The following TACC2 variants were observed in gnomAD, a reference collection of about 807,000 sequenced individuals.
TACC2 encodes transforming acidic coiled-coil containing protein 2, also known as transforming acidic coiled-coil-containing protein 2.
TACC2 carries 137 observed loss-of-function variants against 227.3 expected under a neutral mutation model. The observed-to-expected ratio is 0.60, with a 90% confidence interval of 0.52 to 0.69. TACC2 has a LOEUF of 0.69. Among genes scored for constraint, TACC2 ranks in the 30% least tolerant of loss-of-function variants. The pLI is 0.00. For synonymous variants in TACC2, 1,523 were observed against 1,487.5 expected (o/e 1.02, Z -0.55); for missense variants, 3,470 against 3,694.4 (o/e 0.94, Z 1.57).
chr10:122,227,648 C>T (rs373961389), intron 13 of TACC2, among the ~76,000 whole-genome samples, 189 bp from the exon 14 acceptor site: 3 of 152,312 alleles, frequency 2.0e-5, no homozygotes, highest in African/African-American at 7.2e-5. Context: ...TGTGCTTCTG[C>T]CCCTCCCTTG....
chr10:122,055,831 C>T (rs1034065339), intron 3 of TACC2, among the ~76,000 whole-genome samples: 2 of 152,176 alleles, frequency 1.3e-5, no homozygotes, highest in African/African-American at 4.8e-5. Context: ...TGTGCGTATG[C>T]GGGCAATAGG....
At chr10:122,080,394 A>C (rs1211041035) in intron 3 of TACC2, among the ~76,000 whole-genome samples, 16 of 151,540 alleles carry the variant, frequency 1.1e-4, no homozygotes, top group South Asian at 2.1e-4. Flanking sequence ...CACCATGCCC[A>C]GTTGATTTTC....
At chr10:122,169,790 A>G (rs899989468) in intron 7 of TACC2, among the ~76,000 whole-genome samples, 5 of 152,074 alleles carry the variant, frequency 3.3e-5, no homozygotes, top group African/African-American at 1.2e-4. Flanking sequence ...TCGCTCTGTC[A>G]CCCAGACTGG....
chr10:122,114,379 A>G (rs1179987700), intron 5 of TACC2, among the ~76,000 whole-genome samples: 2 of 152,246 alleles, frequency 1.3e-5, no homozygotes, highest in African/African-American at 4.8e-5. Flanking sequence ...GTGCAGATTA[A>G]CAGTTGAATC....
rs1198723545 is a variant in TACC2, at chr10:122,244,118, C to T, written c.8392+2117C>T. 3.9e-5 allele frequency among the ~76,000 whole-genome samples: 6 copies of T among 152,272 alleles called. No homozygotes were observed. The East Asian group carries it at 1.2e-3, about 29-fold the overall frequency. On this transcript the variant is annotated intron_variant, in intron 19 of 22. Coordinates refer to ENST00000369005, the MANE Select transcript of TACC2 (RefSeq NM_206862.4). ...TTCCCTCCAAGCCCTGGAGAGAATGCCACCTGCCTTCCTCTCATCCTGGTG... is the reference window on the plus strand; with the variant it reads ...TTCCCTCCAAGCCCTGGAGAGAATGTCACCTGCCTTCCTCTCATCCTGGTG...
intron 5 of TACC2, among the ~76,000 whole-genome samples, chr10:122,130,717 C>G (rs1317594957): frequency 6.6e-6 from 1 of 152,206 alleles, no homozygotes; most frequent in East Asian, 1.9e-4. Flanking sequence ...GCTGCTCAGC[C>G]TCTCTGTGCC....
At chr10:122,253,467 G>T (rs1443616832) in intron 22 of TACC2, among the ~76,000 whole-genome samples, 1 of 152,094 alleles carries the variant, frequency 6.6e-6, no homozygotes, top group Non-Finnish European at 1.5e-5. Context: ...AAGCCAGCTC[G>T]CATCTGCCCC....
intron 2 of TACC2, among the ~76,000 whole-genome samples, chr10:122,038,088 G>A (rs1960982639): frequency 6.6e-6 from 1 of 152,136 alleles, no homozygotes; most frequent in Non-Finnish European, 1.5e-5. Flanking sequence ...CGAGACCCCT[G>A]TCTCTACTAA....
chr10:122,102,158 T>C (rs2137655248), intron 5 of TACC2, among the ~76,000 whole-genome samples: 1 of 152,132 alleles, frequency 6.6e-6, no homozygotes, highest in Admixed American at 6.6e-5. Context: ...GGGGCACTCT[T>C]CTCAACATTG....
intron 7 of TACC2, among the ~76,000 whole-genome samples, chr10:122,152,330 T>C (rs1318100967): frequency 1.3e-5 from 2 of 152,170 alleles, no homozygotes; most frequent in African/African-American, 4.8e-5. Context: ...TAAAGAGGGA[T>C]GGAAGATCCA....
rs189559167 is a variant in TACC2 at position 122,209,606 on chromosome 10, C to T, written c.5972-791C>T. ...TGTCTCCTCAGAAGATCTTGCCTGA[C>T]TACCTTATTTTAAAAGTGAAACTCT... is the stretch of plus-strand genomic sequence containing the variant. On this transcript the variant is annotated intron_variant, in intron 8 of 22. Coordinates refer to ENST00000369005, the MANE Select transcript of TACC2 (RefSeq NM_206862.4). The surrounding 1 kb of genome is among the most constrained non-coding windows in gnomAD (Gnocchi z 4.5). Among the ~76,000 whole-genome samples the T allele has an allele frequency of 6.6e-6, 1 of 152,286 alleles. No homozygotes were observed. The highest frequency in any genetic ancestry group is 2.4e-5 in the African/African-American group (1 of 41,550).
Position 122,021,218 on chromosome 10 carries a change from G to A in TACC2, c.-45-719G>A, listed in dbSNP as rs1591133482. On this transcript the variant is annotated intron_variant, in intron 1 of 22. Transcript: ENST00000369005. ...CACTCTAGCCTGGGCGACAGAGTGA[G>A]ACTCCATCTCGAAAAAAAAAAGGCG... Among the ~76,000 whole-genome samples, 7 of 143,148 alleles carry A rather than the reference G, an allele frequency of 4.9e-5. No homozygotes were observed. In the South Asian group the frequency reaches 1.7e-3, roughly 34 times the overall value. The allele number at this position is 143,148 out of a possible 152,430, so 93.9% of individuals were successfully genotyped here.
At chr10:122,160,921 G>A (rs2092780906) in intron 7 of TACC2, among the ~76,000 whole-genome samples, 1 of 152,104 alleles carries the variant, frequency 6.6e-6, no homozygotes, top group African/African-American at 2.4e-5. Flanking sequence ...CTGTAATGGT[G>A]CCCACATTCT....
At chr10:122,015,669 T>A (rs1956510291) in intron 1 of TACC2, among the ~76,000 whole-genome samples, 1 of 151,832 alleles carries the variant, frequency 6.6e-6, no homozygotes, top group African/African-American at 2.4e-5. Flanking sequence ...CTGGCCAACA[T>A]GGTGAAAACC....
chr10:122,018,063 T>TA lies in TACC2; in HGVS notation c.-45-3873dup, dbSNP rs1956913513. Among the ~76,000 whole-genome samples the TA allele has an allele frequency of 4.0e-5, 6 of 150,338 alleles. No homozygotes were observed. In the South Asian group the frequency reaches 1.3e-3, roughly 32 times the overall value. ...AGAACGTGCAGGTTTGTTACATAGG[T>TA]ATATGTGTGCCATGGTGGTTTGCTG... On this transcript the variant is annotated intron_variant, in intron 1 of 22. Coordinates refer to ENST00000369005, the MANE Select transcript of TACC2 (RefSeq NM_206862.4).
rs540533028 is a variant in TACC2, at chr10:122,085,521, T to G, written c.3021T>G (p.His1007Gln). ...ATGCCTTGGAAGAAGGCAGCCAGCA[T>G]GAAGAAGCATGTCAAAGGCATCCAG... ...LADALEEGSQ[H>Q]EEACQRHPGA... The change falls in exon 4 of 23, where the codon CAT (histidine) becomes CAG (glutamine). Residue 1007 changes from histidine (H) to glutamine (Q), a missense_variant. By Grantham distance (24) the His-to-Gln change is conservative. Transcript: ENST00000369005. 3 of 1,613,454 alleles carry G rather than the reference T, an allele frequency of 1.9e-6. No individual in the cohort carries two copies. The highest frequency in any genetic ancestry group is 2.7e-5 in the African/African-American group (2 of 75,076).
intron 3 of TACC2, among the ~76,000 whole-genome samples, chr10:122,075,188 CAAAAA>C (rs74264562): frequency 2.1e-5 from 3 of 142,574 alleles, no homozygotes; most frequent in Non-Finnish European, 1.5e-5. Flanking sequence ...ATCTTGCTGC[CAAAAA>C]AAAAAAAAAA....
intron 1 of TACC2, among the ~76,000 whole-genome samples, chr10:122,003,817 G>A (rs950779160): frequency 1.3e-5 from 2 of 151,762 alleles, no homozygotes; most frequent in African/African-American, 2.4e-5. Flanking sequence ...CACCATGCCC[G>A]GCTAATTTTT....
chr10:122,233,766 T>C (rs910532140), intron 16 of TACC2, among the ~76,000 whole-genome samples: 4 of 151,924 alleles, frequency 2.6e-5, no homozygotes, highest in Non-Finnish European at 4.4e-5. Context: ...TCTGTGGTCA[T>C]TGGCTGGAGG....
Sources: allele counts gnomAD v4.1 joint callset (sites outside exome capture counted in the v4.1 genomes callset), GRCh38; gene constraint gnomAD v4.1.1; non-coding constraint Gnocchi (gnomAD v3.1); transcripts MANE v1.5; gene names NCBI Gene and HGNC (gene_info 2026-07-23, HGNC 2026-07-21).